Variants in RAB1A observed in about 807,000 individuals in gnomAD.
The protein encoded by RAB1A is RAB1A, member RAS oncogene family.
A neutral mutation model predicts 26.0 loss-of-function variants in RAB1A; 2 were observed. The ratio of observed to expected loss-of-function variants is 0.08; its 90% CI spans 0.03 to 0.24. RAB1A has a LOEUF of 0.24. RAB1A is among the 10% of genes least tolerant of loss of function. The pLI is 1.00. For missense variants in RAB1A, 100 were observed against 247.0 expected (o/e 0.40, Z 3.99); for synonymous variants, 84 against 84.9 (o/e 0.99, Z 0.06).
intron 1 of RAB1A, among the ~76,000 whole-genome samples, chr2:65,128,727 T>G (rs976557745): frequency 4.6e-5 from 7 of 152,144 alleles, no homozygotes; most frequent in Admixed American, 1.3e-4. Context: ...AAACTCAACT[T>G]TTACAACAAA....
At chr2:65,100,621 G>A (rs971845700) in intron 2 of RAB1A, among the ~76,000 whole-genome samples, 1 of 151,054 alleles carries the variant, frequency 6.6e-6, no homozygotes, top group Admixed American at 6.6e-5. Flanking sequence ...ATTAGTGGGT[G>A]TGATGGCACA....
intron 1 of RAB1A, chr2:65,105,519 A>T (rs1376541067): frequency 6.8e-6 from 1 of 146,918 alleles, no homozygotes; most frequent in African/African-American, 2.5e-5. Flanking sequence ...CTCAAAAAAA[A>T]AAAAAAAAAA....
At chr2:65,125,709 T>C (rs1670082114) in intron 1 of RAB1A, among the ~76,000 whole-genome samples, 1 of 151,888 alleles carries the variant, frequency 6.6e-6, no homozygotes, top group African/African-American at 2.4e-5. Flanking sequence ...CCACTGCGCC[T>C]GGCCATGTTA....
chr2:65,130,045 AC>A lies in RAB1A; in HGVS notation c.-131del. 1 of 1,024,412 alleles carries A rather than the reference AC, an allele frequency of 9.8e-7. No individual in the cohort carries two copies. Among genetic ancestry groups the A allele is most frequent in the Non-Finnish European group, 1.5e-6 (1 of 676,950 alleles). 63.5% of individuals were successfully genotyped at this position (1,024,412 alleles called of 1,614,324 possible). A position where few individuals can be genotyped will look rare whatever the true frequency, so the allele number is the denominator to read the frequency against. ...TCCGGGAGAGCAAACGTCTTCCCCT[AC>A]TCCGTCCCCTAGAACACAATCAGCA... On this transcript the variant is annotated 5_prime_UTR_variant, in exon 1 of 6. Transcript: ENST00000409784.
intron 1 of RAB1A, among the ~76,000 whole-genome samples, chr2:65,116,102 A>G (rs1669818509): frequency 6.6e-6 from 1 of 152,158 alleles, no homozygotes; most frequent in Non-Finnish European, 1.5e-5. Context: ...GGTTGCAGTG[A>G]GCTGATATCA....
intron 1 of RAB1A, among the ~76,000 whole-genome samples, chr2:65,124,403 G>T (rs1055945524): frequency 2.0e-5 from 3 of 151,952 alleles, no homozygotes; most frequent in Non-Finnish European, 4.4e-5. Context: ...AGGCACAGTC[G>T]CTACAAAAAA....
intron 1 of RAB1A, among the ~76,000 whole-genome samples, chr2:65,129,156 TC>T (rs1008778745): frequency 1.3e-5 from 2 of 149,300 alleles, no homozygotes; most frequent in African/African-American, 4.9e-5. Flanking sequence ...TTTTTTTTTT[TC>T]CCTTGACCCA....
intron 1 of RAB1A, among the ~76,000 whole-genome samples, chr2:65,124,753 C>A (rs1241997564): frequency 6.6e-6 from 1 of 152,070 alleles, no homozygotes; most frequent in Non-Finnish European, 1.5e-5. Flanking sequence ...GGCCTCAGTT[C>A]TTATCTTTAA....
chr2:65,093,624 AT>A (rs57642294), intron 3 of RAB1A, among the ~76,000 whole-genome samples: 14,255 of 142,524 alleles, frequency 0.1, 1,064 homozygotes, highest in African/African-American at 0.23. Flanking sequence ...TTGTGTTTAG[AT>A]TTTTTTTTTT....
In RAB1A at chr2:65,130,031, A is replaced by C. The variant is rs999690139; in HGVS notation, c.-116T>G. On this transcript the variant is annotated 5_prime_UTR_variant, in exon 1 of 6. Coordinates refer to ENST00000409784, the MANE Select transcript of RAB1A (RefSeq NM_004161.5). ...ATGAGATAGGCTGTTCCGGGAGAGC[A>C]AACGTCTTCCCCTACTCCGTCCCCT... 265 of 1,164,078 alleles carry C rather than the reference A, an allele frequency of 2.3e-4. 1 individual carries two copies. The highest frequency in any genetic ancestry group is 3.1e-4 in the Non-Finnish European group (248 of 799,408). The allele number at this position is 1,164,078 out of a possible 1,614,324, so 72.1% of individuals were successfully genotyped here. A position where few individuals can be genotyped will look rare whatever the true frequency, so the allele number is the denominator to read the frequency against.
chr2:65,105,482 G>A (rs761673712), intron 1 of RAB1A: 46 of 120,576 alleles, frequency 3.8e-4, no homozygotes, highest in East Asian at 8.0e-4. Flanking sequence ...TCCAGCTCCA[G>A]CCTGGGCAAT....
intron 2 of RAB1A, among the ~76,000 whole-genome samples, chr2:65,102,599 A>G (rs1669455272): frequency 6.6e-6 from 1 of 150,424 alleles, no homozygotes; most frequent in Admixed American, 6.7e-5. Context: ...ATTCTGTTCT[A>G]ATCTGTCTGT....
intron 1 of RAB1A, among the ~76,000 whole-genome samples, chr2:65,128,222 G>GA (rs980688059): frequency 6.6e-6 from 1 of 151,550 alleles, no homozygotes; most frequent in Admixed American, 6.6e-5. Flanking sequence ...TTACAAAAGG[G>GA]AAAAAAAATT....
At chr2:65,098,634 G>A (rs889092958) in intron 2 of RAB1A, among the ~76,000 whole-genome samples, 1 of 151,750 alleles carries the variant, frequency 6.6e-6, no homozygotes, top group African/African-American at 2.4e-5. Flanking sequence ...CTACAACCAC[G>A]AATTCCAGGA....
intron 1 of RAB1A, among the ~76,000 whole-genome samples, chr2:65,106,802 T>G (rs1020437935): frequency 6.6e-6 from 1 of 151,640 alleles, no homozygotes; most frequent in Non-Finnish European, 1.5e-5. Flanking sequence ...TACCAACAAT[T>G]TGTACTTGGC....
At chr2:65,120,404 C>G (rs1161710961) in intron 1 of RAB1A, among the ~76,000 whole-genome samples, 1 of 130,228 alleles carries the variant, frequency 7.7e-6, no homozygotes, top group Non-Finnish European at 1.5e-5. Flanking sequence ...TGCAGTGAGC[C>G]AAGATCACAC....
At chr2:65,129,854 G>A (rs1240189687) in intron 1 of RAB1A, 39 bp downstream of exon 1, 16 of 1,583,006 alleles carry the variant, frequency 1.0e-5, no homozygotes, top group Non-Finnish European at 1.4e-5. Context: ...CCCCAAGCTG[G>A]CCCACGGACC....
chr2:65,128,039 C>A (rs1475246649), intron 1 of RAB1A, among the ~76,000 whole-genome samples: 1 of 152,138 alleles, frequency 6.6e-6, no homozygotes, highest in East Asian at 1.9e-4. Context: ...TGGCCTATAT[C>A]TAAACTTCTT....
At chr2:65,090,908 G>A in intron 4 of RAB1A, 75 bp downstream of exon 4, 3 of 968,916 alleles carry the variant, frequency 3.1e-6, no homozygotes, top group Non-Finnish European at 4.5e-6. Context: ...ATATGAAGTA[G>A]TAAATGAATC....
Sources: gnomAD v4.1 joint callset for allele counts (sites outside exome capture counted in the v4.1 genomes callset) on GRCh38, gnomAD v4.1.1 for gene constraint, MANE v1.5 for transcripts, NCBI Gene and HGNC (gene_info 2026-07-23, HGNC 2026-07-21) for gene names.